RPS6KA2: variants seen among roughly 807,000 people sequenced by gnomAD.
RPS6KA2 encodes the protein ribosomal protein S6 kinase alpha-2.
A neutral mutation model predicts 91.8 loss-of-function variants in RPS6KA2; 42 were observed. The observed-to-expected ratio is 0.46, with a 90% confidence interval of 0.36 to 0.59. RPS6KA2 has a LOEUF of 0.59. Ranked by LOEUF, RPS6KA2 falls within the 20% of genes least tolerant of loss-of-function variation. The probability of loss-of-function intolerance (pLI) is 0.00; values close to 1 mark genes in which losing one functional copy is unlikely to be tolerated. For missense variants in RPS6KA2, 798 were observed against 978.5 expected (o/e 0.82, Z 2.46); for synonymous variants, 414 against 393.6 (o/e 1.05, Z -0.61).
At chr6:166,853,781 A>G (rs1583181102) in intron 2 of RPS6KA2, among the ~76,000 whole-genome samples, 1 of 152,344 alleles carries the variant, frequency 6.6e-6, no homozygotes, top group East Asian at 1.9e-4. Flanking sequence ...GGCAGTCCCC[A>G]GGGGAGCCAC....
intron 11 of RPS6KA2, among the ~76,000 whole-genome samples, chr6:166,460,493 G>T (rs1045193726): frequency 1.3e-5 from 2 of 152,222 alleles, no homozygotes; most frequent in Non-Finnish European, 2.9e-5. Context: ...TGGAGGGGGA[G>T]GGGCACTGGA....
chr6:166,472,898 C>A (rs1282132556), intron 10 of RPS6KA2, among the ~76,000 whole-genome samples: 2 of 152,226 alleles, frequency 1.3e-5, no homozygotes, highest in African/African-American at 2.4e-5. Context: ...CACAGAAGGC[C>A]GGAATTCCCT....
chr6:166,791,679 T>A (rs1275431700), intron 2 of RPS6KA2, among the ~76,000 whole-genome samples: 1 of 151,976 alleles, frequency 6.6e-6, no homozygotes, highest in Non-Finnish European at 1.5e-5. Flanking sequence ...CAGACCACAG[T>A]GCAATCAAAC....
At chr6:166,754,314 T>A (rs1478297560) in intron 2 of RPS6KA2, among the ~76,000 whole-genome samples, 1 of 152,108 alleles carries the variant, frequency 6.6e-6, no homozygotes, top group African/African-American at 2.4e-5. Context: ...TACTCACAGA[T>A]CCCAAGAGAG....
chr6:166,596,395 C>T (rs1284722840), intron 1 of RPS6KA2, among the ~76,000 whole-genome samples: 2 of 152,088 alleles, frequency 1.3e-5, no homozygotes, highest in African/African-American at 4.8e-5. Flanking sequence ...TGGGTGGGCA[C>T]CATCTCATCA....
At chr6:166,544,173 A>G (rs972825116) in intron 1 of RPS6KA2, among the ~76,000 whole-genome samples, 2 of 152,254 alleles carry the variant, frequency 1.3e-5, no homozygotes, top group Non-Finnish European at 2.9e-5. Context: ...TCTTAAAGGG[A>G]TACTTGATCC....
At chr6:166,462,832 TGA>T (rs1164251222) in intron 11 of RPS6KA2, among the ~76,000 whole-genome samples, 4 of 152,288 alleles carry the variant, frequency 2.6e-5, no homozygotes, top group East Asian at 1.9e-4. Context: ...GGCATGCGTG[TGA>T]GAGTGGACGG....
At chr6:166,634,240 A>C (rs1438729447) in intron 2 of RPS6KA2, among the ~76,000 whole-genome samples, 4 of 152,216 alleles carry the variant, frequency 2.6e-5, no homozygotes, top group Non-Finnish European at 5.9e-5. Context: ...CAGTGTCCTC[A>C]TGAAGAGCAA....
chr6:166,743,105 T>G (rs1189576187), intron 2 of RPS6KA2, among the ~76,000 whole-genome samples: 1 of 152,252 alleles, frequency 6.6e-6, no homozygotes, highest in Non-Finnish European at 1.5e-5. Flanking sequence ...TGTACTTGAT[T>G]TCTGCATATC....
intron 2 of RPS6KA2, among the ~76,000 whole-genome samples, chr6:166,759,724 G>T (rs1778114529): frequency 6.6e-6 from 1 of 152,188 alleles, no homozygotes; most frequent in Admixed American, 6.5e-5. Context: ...CACAGAAATA[G>T]GCACTCCTGC....
At chr6:166,798,890 A>C (rs796941321) in intron 2 of RPS6KA2, among the ~76,000 whole-genome samples, 12 of 152,330 alleles carry the variant, frequency 7.9e-5, no homozygotes, top group African/African-American at 2.9e-4. Flanking sequence ...GCCCCTGTGA[A>C]TATCAGCAGC....
At chr6:166,589,514 A>G (rs1031870382) in intron 1 of RPS6KA2, among the ~76,000 whole-genome samples, 1 of 152,218 alleles carries the variant, frequency 6.6e-6, no homozygotes, top group Non-Finnish European at 1.5e-5. Context: ...TACCCTTAGA[A>G]TTGAAATCAG....
chr6:166,474,925 C>G (rs1354707834), intron 10 of RPS6KA2, among the ~76,000 whole-genome samples: 1 of 152,184 alleles, frequency 6.6e-6, no homozygotes, highest in African/African-American at 2.4e-5. Context: ...CATCCCGGAG[C>G]CTACCCGTGA....
At chr6:166,480,506 TATATATATA>T (rs1781168760) in intron 10 of RPS6KA2, among the ~76,000 whole-genome samples, 1 of 100,780 alleles carries the variant, frequency 9.9e-6, no homozygotes, top group Non-Finnish European at 2.0e-5. Context: ...TATATATATA[TATATATATA>T]ATATATTTTT....
At chr6:166,860,806 A>ATC (rs145769325) in intron 1 of RPS6KA2, among the ~76,000 whole-genome samples, 3 of 151,948 alleles carry the variant, frequency 2.0e-5, no homozygotes, top group Admixed American at 6.6e-5. Context: ...GAAAAATTGA[A>ATC]TCTCTCTCTC....
intron 2 of RPS6KA2, among the ~76,000 whole-genome samples, chr6:166,829,856 T>C (rs1780138496): frequency 6.6e-6 from 1 of 152,092 alleles, no homozygotes; most frequent in Non-Finnish European, 1.5e-5. Context: ...ATGCCTGTAA[T>C]CCCAGAACTT....
chr6:166,764,857 A>G (rs1163897555), intron 2 of RPS6KA2, among the ~76,000 whole-genome samples: 3 of 152,194 alleles, frequency 2.0e-5, no homozygotes, highest in African/African-American at 7.2e-5. Context: ...TACACACTAC[A>G]CAACGTGTGT....
chr6:166,674,429 G>T (rs1017168555), intron 2 of RPS6KA2, among the ~76,000 whole-genome samples: 1 of 152,100 alleles, frequency 6.6e-6, no homozygotes, highest in African/African-American at 2.4e-5. Flanking sequence ...CTGGGAGCAG[G>T]GAGAGGCAGC....
intron 6 of RPS6KA2, among the ~76,000 whole-genome samples, chr6:166,501,714 G>A (rs1232382530): frequency 1.3e-5 from 2 of 152,200 alleles, no homozygotes; most frequent in Non-Finnish European, 2.9e-5. Flanking sequence ...GTGATACCTT[G>A]ACACACCTGT....
Sources: gnomAD v4.1 joint callset for allele counts (sites outside exome capture counted in the v4.1 genomes callset) on GRCh38, gnomAD v4.1.1 for gene constraint, MANE v1.5 for transcripts, NCBI Gene and HGNC (gene_info 2026-07-23, HGNC 2026-07-21) for gene names.